RPSA2: variants seen among roughly 807,000 people sequenced by gnomAD.
The protein encoded by RPSA2 is ribosomal protein SA 2.
the RPSA2 span, among the ~76,000 whole-genome samples, chr19:23,868,014 C>T: frequency 2.8e-4 from 43 of 152,244 alleles, no homozygotes; most frequent in Admixed American, 2.1e-3. Context: ...TAATTGGATG[C>T]AGGACATTTA....
At chr19:23,862,025 C>T in the RPSA2 span, among the ~76,000 whole-genome samples, 1 of 152,004 alleles carries the variant, frequency 6.6e-6, no homozygotes, top group East Asian at 1.9e-4. Flanking sequence ...AATGTTCTTC[C>T]ATTTCTTTGT....
the RPSA2 span, among the ~76,000 whole-genome samples, chr19:23,768,786 C>T: frequency 6.7e-6 from 1 of 149,844 alleles, no homozygotes; most frequent in African/African-American, 2.5e-5. Context: ...CAGGGTTTCA[C>T]CATGTTGGCC....
At chr19:23,804,365 C>T in the RPSA2 span, among the ~76,000 whole-genome samples, 9 of 142,872 alleles carry the variant, frequency 6.3e-5, no homozygotes, top group African/African-American at 1.3e-4. Context: ...GGCGCCATTT[C>T]GGCTCACTGC....
chr19:23,831,796 C>A, the RPSA2 span: 1 of 302,406 alleles, frequency 3.3e-6, no homozygotes, highest in Non-Finnish European at 6.9e-6. Context: ...CTACTCAGAG[C>A]AAAGTATTTC....
chr19:23,850,213 G>T, the RPSA2 span, among the ~76,000 whole-genome samples: 1 of 150,266 alleles, frequency 6.7e-6, no homozygotes, highest in Non-Finnish European at 1.5e-5. Flanking sequence ...CAAATAAGTG[G>T]AGGAAAAGGC....
chr19:23,780,819 C>T, the RPSA2 span, among the ~76,000 whole-genome samples: 1 of 152,222 alleles, frequency 6.6e-6, no homozygotes, highest in African/African-American at 2.4e-5. Flanking sequence ...CAGGGCCAAG[C>T]ACACAGGTGA....
At chr19:23,825,625 T>C in the RPSA2 span, among the ~76,000 whole-genome samples, 1 of 152,178 alleles carries the variant, frequency 6.6e-6, no homozygotes, top group African/African-American at 2.4e-5. Flanking sequence ...TTGCTCTTCT[T>C]GCCCAGGCTG....
At chr19:23,780,764 C>T in the RPSA2 span, among the ~76,000 whole-genome samples, 1 of 152,232 alleles carries the variant, frequency 6.6e-6, no homozygotes, top group Admixed American at 6.5e-5. Context: ...GAGCAGGTTG[C>T]AACTCTCATG....
At chr19:23,833,551 C>G in the RPSA2 span, among the ~76,000 whole-genome samples, 6 of 152,066 alleles carry the variant, frequency 3.9e-5, no homozygotes, top group Admixed American at 6.5e-5. Context: ...AGATAACTAT[C>G]AGTGTGTACA....
the RPSA2 span, among the ~76,000 whole-genome samples, chr19:23,766,871 A>G: frequency 6.7e-6 from 1 of 150,346 alleles, no homozygotes; most frequent in Non-Finnish European, 1.5e-5. Context: ...CAATTCTCCT[A>G]CCTCAGCGTC....
At chr19:23,865,455 C>T in the RPSA2 span, among the ~76,000 whole-genome samples, 1 of 152,124 alleles carries the variant, frequency 6.6e-6, no homozygotes, top group East Asian at 1.9e-4. Context: ...AAAGTAGACC[C>T]TTCTGTTTTT....
chr19:23,786,998 T>C, the RPSA2 span, among the ~76,000 whole-genome samples: 4 of 151,882 alleles, frequency 2.6e-5, no homozygotes, highest in Non-Finnish European at 5.9e-5. Flanking sequence ...TGGGTCTTAA[T>C]AAAGACAGGA....
the RPSA2 span, among the ~76,000 whole-genome samples, chr19:23,860,083 G>A: frequency 6.6e-6 from 1 of 152,034 alleles, no homozygotes; most frequent in Non-Finnish European, 1.5e-5. Context: ...CTTTTTTCAA[G>A]CTTAAACTTT....
At chr19:23,827,693 C>T in the RPSA2 span, 5 of 1,593,030 alleles carry the variant, frequency 3.1e-6, no homozygotes, top group Non-Finnish European at 4.3e-6. Flanking sequence ...GTGGTGGATG[C>T]TGGCTCGGGA....
At chr19:23,839,316 A>T in the RPSA2 span, among the ~76,000 whole-genome samples, 5 of 152,052 alleles carry the variant, frequency 3.3e-5, no homozygotes, top group Non-Finnish European at 7.4e-5. Flanking sequence ...GTATAATGTC[A>T]ATTTTCTTAA....
At chr19:23,824,571 A>C in the RPSA2 span, among the ~76,000 whole-genome samples, 65 of 25,666 alleles carry the variant, frequency 2.5e-3, no homozygotes, top group Admixed American at 0.01. Context: ...TTGACTCATT[A>C]TAGCATTTCT....
At chr19:23,763,241 G>A in the RPSA2 span, 1 of 152,860 alleles carries the variant, frequency 6.5e-6, no homozygotes. Flanking sequence ...AGTCCCCGCT[G>A]GCGCAGCTCC....
chr19:23,835,616 T>G, the RPSA2 span, among the ~76,000 whole-genome samples: 1 of 332 alleles, frequency 3.0e-3, no homozygotes, highest in Admixed American at 0.1. Flanking sequence ...TGTTTAATAG[T>G]TTTTTTTTTT....
At chr19:23,854,688 T>A in the RPSA2 span, among the ~76,000 whole-genome samples, 1 of 152,212 alleles carries the variant, frequency 6.6e-6, no homozygotes, top group African/African-American at 2.4e-5. Context: ...TTGGCTGCTT[T>A]TAAGTTTTTA....
Sources: gnomAD v4.1 joint callset for allele counts (sites outside exome capture counted in the v4.1 genomes callset) on GRCh38, gnomAD v4.1.1 for gene constraint, MANE v1.5 for transcripts, NCBI Gene and HGNC (gene_info 2026-07-23, HGNC 2026-07-21) for gene names.